Variants in CCDC73 observed in about 807,000 individuals in gnomAD.
The protein encoded by CCDC73 is coiled-coil domain containing 73.
Under a neutral mutation model 116.5 loss-of-function variants are expected in CCDC73, and 95 were observed. The ratio of observed to expected loss-of-function variants is 0.82; its 90% CI spans 0.69 to 0.97. The LOEUF (loss-of-function observed/expected upper bound fraction) is 0.97, where lower values mean the gene tolerates loss of function less well. CCDC73 is among the 50% of genes least tolerant of loss of function. The pLI, the probability that CCDC73 is intolerant of heterozygous loss-of-function variation, is 0.00. For missense variants in CCDC73, 1,066 were observed against 1,206.8 expected (o/e 0.88, Z 1.73); for synonymous variants, 398 against 401.3 (o/e 0.99, Z 0.10).
At position 32,653,119 on chromosome 11, in the gene CCDC73, G is replaced by T; in HGVS notation, c.939+4C>A. 6.4e-7 allele frequency: 1 copy of T among 1,566,362 alleles called. No homozygotes were observed. Among genetic ancestry groups the T allele is most frequent in the Non-Finnish European group, 8.8e-7 (1 of 1,139,960 alleles). ...AGACAGACAGACAGACAGATAGAAC[G>T]AACCTGATTATTTTCTTTTAGCACC... is the stretch of plus-strand genomic sequence containing the variant. On this transcript the variant is annotated splice_donor_region_variant and intron_variant, in intron 12 of 17. Transcript: ENST00000335185.
intron 12 of CCDC73, 75 bp from the exon 13 acceptor site, chr11:32,642,157 A>G: frequency 1.5e-6 from 2 of 1,349,452 alleles, no homozygotes; most frequent in Non-Finnish European, 1.9e-6. Flanking sequence ...TGTTGCTTGG[A>G]CCTTTGCTTC....
intron 9 of CCDC73, among the ~76,000 whole-genome samples, chr11:32,673,832 C>G (rs1000780312): frequency 1.3e-5 from 2 of 152,192 alleles, no homozygotes; most frequent in African/African-American, 4.8e-5. Context: ...GTTCCACTGA[C>G]TAGCAGCACT....
chr11:32,648,461 A>C (rs778603626), intron 12 of CCDC73, among the ~76,000 whole-genome samples: 11 of 152,260 alleles, frequency 7.2e-5, no homozygotes, highest in Admixed American at 2.0e-4. Flanking sequence ...AGTCATTAAG[A>C]AAATTTAATG....
chr11:32,661,007 G>C (rs1430029941), intron 9 of CCDC73, among the ~76,000 whole-genome samples: 1 of 152,170 alleles, frequency 6.6e-6, no homozygotes, highest in Non-Finnish European at 1.5e-5. Flanking sequence ...TTCCACATAA[G>C]CGGGAACAGT....
chr11:32,768,243 G>A (rs1369451975), intron 1 of CCDC73, among the ~76,000 whole-genome samples: 1 of 152,142 alleles, frequency 6.6e-6, no homozygotes, highest in Non-Finnish European at 1.5e-5. Flanking sequence ...AACACCACAT[G>A]TTCTCACTCA....
At chr11:32,722,989 CTT>C (rs1470830174) in intron 2 of CCDC73, among the ~76,000 whole-genome samples, 1 of 152,188 alleles carries the variant, frequency 6.6e-6, no homozygotes, top group Admixed American at 6.5e-5. Flanking sequence ...TCCAAAGTCT[CTT>C]AAATGTTGCA....
intron 1 of CCDC73, among the ~76,000 whole-genome samples, chr11:32,791,069 T>C (rs1441931569): frequency 2.0e-5 from 3 of 152,292 alleles, no homozygotes; most frequent in African/African-American, 7.2e-5. Context: ...GAAAATAAGT[T>C]TTAGTTTTAT....
intron 2 of CCDC73, among the ~76,000 whole-genome samples, chr11:32,743,282 C>G (rs1333816666): frequency 6.6e-6 from 1 of 152,062 alleles, no homozygotes; most frequent in Non-Finnish European, 1.5e-5. Context: ...TCTTCCTATC[C>G]ATGAGCATGT....
intron 6 of CCDC73, among the ~76,000 whole-genome samples, chr11:32,696,534 C>A (rs1264422705): frequency 1.3e-5 from 2 of 152,130 alleles, no homozygotes; most frequent in Non-Finnish European, 2.9e-5. Context: ...TCAAGTGATT[C>A]TCCTACCTCA....
chr11:32,779,263 CA>C (rs34184527), intron 1 of CCDC73, among the ~76,000 whole-genome samples: 10,855 of 110,082 alleles, frequency 0.099, 307 homozygotes, highest in South Asian at 0.14. Context: ...TCATGTGGGG[CA>C]AAAAAAAAAA....
chr11:32,779,711 C>CTCCA, intron 1 of CCDC73, among the ~76,000 whole-genome samples: 1 of 152,240 alleles, frequency 6.6e-6, no homozygotes, highest in African/African-American at 2.4e-5. Context: ...CACAGTTCAA[C>CTCCA]AAGAGTAATC....
At chr11:32,638,986 A>G (rs12806333) in intron 13 of CCDC73, among the ~76,000 whole-genome samples, 1 of 151,450 alleles carries the variant, frequency 6.6e-6, no homozygotes, top group Non-Finnish European at 1.5e-5. Context: ...CATCTCTACT[A>G]AAGTACAAAA....
chr11:32,815,338 C>T, the CCDC73 span, among the ~76,000 whole-genome samples: 1 of 140,750 alleles, frequency 7.1e-6, no homozygotes, highest in African/African-American at 2.6e-5. Flanking sequence ...ATTATTTTTG[C>T]TTTTTTTTTT....
At chr11:32,780,193 G>A (rs956414585) in intron 1 of CCDC73, among the ~76,000 whole-genome samples, 2 of 152,054 alleles carry the variant, frequency 1.3e-5, no homozygotes, top group African/African-American at 4.8e-5. Context: ...AGAATCACTC[G>A]AACCCAGGAG....
At chr11:32,825,606 A>C in the CCDC73 span, among the ~76,000 whole-genome samples, 1 of 152,180 alleles carries the variant, frequency 6.6e-6, no homozygotes, top group African/African-American at 2.4e-5. Context: ...TCTGATGCAG[A>C]ATTAACAAAT....
the CCDC73 span, among the ~76,000 whole-genome samples, chr11:32,800,165 G>A: frequency 1.3e-5 from 2 of 152,002 alleles, no homozygotes; most frequent in African/African-American, 2.4e-5. Context: ...ATGTCAATTA[G>A]CTATTGAATT....
intron 6 of CCDC73, among the ~76,000 whole-genome samples, chr11:32,694,410 TAA>T (rs1398973471): frequency 1.3e-5 from 2 of 151,916 alleles, no homozygotes; most frequent in Non-Finnish European, 1.5e-5. Flanking sequence ...TTCAACGAAA[TAA>T]AAGAGGACAC....
the CCDC73 span, among the ~76,000 whole-genome samples, chr11:32,812,793 T>C: frequency 6.6e-6 from 1 of 152,052 alleles, no homozygotes; most frequent in African/African-American, 2.4e-5. Flanking sequence ...GCTGAGATTG[T>C]GCCACTGCAC....
chr11:32,611,296 G>C, intron 16 of CCDC73, 31 bp from the exon 17 acceptor site: 2 of 1,596,538 alleles, frequency 1.3e-6, no homozygotes, highest in Non-Finnish European at 1.7e-6. Flanking sequence ...GGCAACAACT[G>C]AATTTTTCTC....
Sources: gnomAD v4.1 joint callset for allele counts (sites outside exome capture counted in the v4.1 genomes callset) on GRCh38, gnomAD v4.1.1 for gene constraint, MANE v1.5 for transcripts, NCBI Gene and HGNC (gene_info 2026-07-23, HGNC 2026-07-21) for gene names.